The following CCNA1 variants were observed in gnomAD, a reference collection of about 807,000 sequenced individuals.
CCNA1 encodes the protein cyclin-A1.
Under a neutral mutation model 54.1 loss-of-function variants are expected in CCNA1, and 23 were observed. The observed-to-expected ratio is 0.42, with a 90% CI of 0.31 to 0.60. CCNA1 has a LOEUF of 0.60. CCNA1 is among the 20% of genes least tolerant of loss of function. The pLI is 0.14. For synonymous variants in CCNA1, 208 were observed against 213.9 expected (o/e 0.97, Z 0.24); for missense variants, 450 against 556.7 (o/e 0.81, Z 1.93).
chr13:36,436,899 T>C (rs1056740621), intron 2 of CCNA1, among the ~76,000 whole-genome samples: 4 of 152,250 alleles, frequency 2.6e-5, no homozygotes, highest in Non-Finnish European at 5.9e-5. Flanking sequence ...GCTGCCCACC[T>C]GCCCTGATTC....
chr13:36,442,465 A>C, intron 8 of CCNA1, 149 bp from the exon 9 acceptor site: 2 of 1,068,086 alleles, frequency 1.9e-6, no homozygotes, highest in South Asian at 3.0e-5. Flanking sequence ...AAAGACCTAG[A>C]TTTATAATTT....
At position 36,438,079 on chromosome 13, in the gene CCNA1, T is replaced by G; in HGVS notation, c.557T>G (p.Leu186Arg). The G allele has an allele frequency of 6.2e-7, 1 of 1,613,476 alleles. No homozygotes were observed. Among genetic ancestry groups the G allele is most frequent in the South Asian group, 1.1e-5 (1 of 90,914 alleles). Reference sequence around the variant, plus strand: ...TGAACTCTTGCAGTTTCCCCTATGCTGGTAGATTCATCTCTCCTCTCCCAG... The same window carrying G: ...TGAACTCTTGCAGTTTCCCCTATGCGGGTAGATTCATCTCTCCTCTCCCAG... Residue 186 changes from leucine to arginine, a missense_variant, in exon 4 of 9, where the codon CTG (leucine) becomes CGG (arginine). Transcript: ENST00000255465.
In CCNA1 at chr13:36,435,459, C is replaced by T. The variant is rs529261930; in HGVS notation, c.298-2170C>T. 3.8e-3 allele frequency among the ~76,000 whole-genome samples: 576 copies of T among 152,300 alleles called. 4 individuals are homozygous for T. The highest frequency in any genetic ancestry group is 0.013 in the African/African-American group (535 of 41,568). ...CTCAATTCATAGTCTTTTCCTTCCTCGACTGATCAGCATTATTTGACATGG... is the reference window on the plus strand; with the variant it reads ...CTCAATTCATAGTCTTTTCCTTCCTTGACTGATCAGCATTATTTGACATGG... On this transcript the variant is annotated intron_variant, in intron 2 of 8. Transcript: ENST00000255465.
intron 2 of CCNA1, among the ~76,000 whole-genome samples, chr13:36,435,036 G>A (rs1369897388): frequency 6.6e-6 from 1 of 152,154 alleles, no homozygotes; most frequent in Non-Finnish European, 1.5e-5. Flanking sequence ...CTGGACCACA[G>A]GGAAGAAGTT....
At chr13:36,432,947 CT>C (rs1489881937) in intron 1 of CCNA1, 85 bp from the exon 2 acceptor site, 27 of 1,294,850 alleles carry the variant, frequency 2.1e-5, no homozygotes, top group Non-Finnish European at 2.9e-5. Flanking sequence ...GCTTGGTGCT[CT>C]CCCTCCTAGA....
rs994893221 is a variant in CCNA1, at chr13:36,442,794, A to G, written c.*129A>G. The G allele has an allele frequency of 1.3e-6, 1 of 775,910 alleles. No individual in the cohort carries two copies. Among genetic ancestry groups the G allele is most frequent in the Admixed American group, 2.5e-5 (1 of 40,628 alleles). The allele number at this position is 775,910 out of a possible 1,614,324, so 48.1% of individuals were successfully genotyped here. The stretch of plus-strand genomic sequence containing the variant: ...AGATGACATTTTAAAAATGTAAATG[A>G]ATTTAGTTTCCCTTAGACTTTAGTA... On this transcript the variant is annotated 3_prime_UTR_variant, in exon 9 of 9. Coordinates refer to ENST00000255465, the MANE Select transcript of CCNA1 (RefSeq NM_003914.4).
chr13:36,442,120 ATATC>A, intron 7 of CCNA1, 47 bp from the exon 8 acceptor site: 1 of 1,478,526 alleles, frequency 6.8e-7, no homozygotes, highest in African/African-American at 1.4e-5. Context: ...TTATCTTCGG[ATATC>A]TAATATAAAG....
intron 2 of CCNA1, 109 bp from the exon 3 acceptor site, chr13:36,437,520 G>A: frequency 2.8e-6 from 3 of 1,066,082 alleles, no homozygotes; most frequent in South Asian, 3.2e-5. Context: ...AGATTTTTCA[G>A]TTTAGAATGT....
chr13:36,442,618 CTG>C lies in CCNA1; in HGVS notation c.1359_1360del (p.Ser454ProfsTer15). On this transcript the variant is annotated frameshift_variant, in exon 9 of 9. Coordinates refer to ENST00000255465, the MANE Select transcript of CCNA1 (RefSeq NM_003914.4). LOFTEE classifies it high-confidence loss of function. Reference sequence around the variant, plus strand: ...TTGCTTTGGGTCTTGTTTCAGGTACCTGTGTGTGTCCCTCATGGAGCCACCTG... The same window carrying C: ...TTGCTTTGGGTCTTGTTTCAGGTACCTGTGTGTCCCTCATGGAGCCACCTG... The C allele has an allele frequency of 6.2e-7, 1 of 1,613,974 alleles. No homozygotes were observed. The highest frequency in any genetic ancestry group is 8.5e-7 in the Non-Finnish European group (1 of 1,179,912).
Position 36,432,590 on chromosome 13 carries a change from G to A in CCNA1, c.-32G>A, listed in dbSNP as rs1243820007. On this transcript the variant is annotated 5_prime_UTR_variant, in exon 1 of 9. Coordinates refer to ENST00000255465, the MANE Select transcript of CCNA1 (RefSeq NM_003914.4). ...GGGGCCTCCTGTCTGGTGGGAGGAG[G>A]CCGCAGCGCAGCACCCTGCTCGTCA... 3.5e-6 allele frequency: 5 copies of A among 1,433,798 alleles called. No individual in the cohort carries two copies. The South Asian group carries it at 5.4e-5, about 16-fold the overall frequency. The allele number at this position is 1,433,798 out of a possible 1,614,324, so 88.8% of individuals were successfully genotyped here. A position where few individuals can be genotyped will look rare whatever the true frequency, so the allele number is the denominator to read the frequency against.
At position 36,442,242 on chromosome 13, in the gene CCNA1, A is replaced by G; in HGVS notation, c.1284A>G (p.Lys428=). 6.2e-7 allele frequency: 1 copy of G among 1,614,076 alleles called. No individual in the cohort carries two copies. Among genetic ancestry groups the G allele is most frequent in the Non-Finnish European group, 8.5e-7 (1 of 1,179,956 alleles). Residue 428 remains lysine, a synonymous_variant, in exon 8 of 9, where the codon AAA becomes AAG. Transcript: ENST00000255465. ...TGCCTTGCCTGAGTGAGCTTCATAA[A>G]GCGTACCTTGATATACCCCATCGAC...
At chr13:36,437,963 A>C in intron 3 of CCNA1, 88 bp downstream of exon 3, 18 of 1,569,992 alleles carry the variant, frequency 1.1e-5, no homozygotes, top group Non-Finnish European at 1.5e-5. Context: ...TAGCAAGAGA[A>C]AAACAGCAAG....
At chr13:36,438,216 A>T in intron 4 of CCNA1, 25 bp downstream of exon 4, 1 of 1,601,510 alleles carries the variant, frequency 6.2e-7, no homozygotes, top group Non-Finnish European at 8.5e-7. Context: ...CTTCTACTTC[A>T]ATCTTCAGGA....
chr13:36,432,704 C>A lies in CCNA1; in HGVS notation c.83C>A (p.Pro28Gln), dbSNP rs758461650. 5 of 1,611,514 alleles carry A rather than the reference C, an allele frequency of 3.1e-6. No individual in the cohort carries two copies. Among genetic ancestry groups the A allele is most frequent in the Middle Eastern group, 1.7e-4 (1 of 5,908 alleles). Residue 28 changes from proline (P) to glutamine (Q), a missense_variant, in exon 1 of 9, where the codon CCG becomes CAG. By Grantham distance (76) the Pro-to-Gln change is moderately conservative. Coordinates refer to ENST00000255465, the MANE Select transcript of CCNA1 (RefSeq NM_003914.4). ...GAAGAGTATCTCAGCTGGGAAGGACCGGGGCTCCCAGATTTCGTCTTCCAG... is the reference window on the plus strand; with the variant it reads ...GAAGAGTATCTCAGCTGGGAAGGACAGGGGCTCCCAGATTTCGTCTTCCAG...
chr13:36,438,348 G>A (rs145666972), intron 4 of CCNA1, among the ~76,000 whole-genome samples, 157 bp downstream of exon 4: 4 of 152,068 alleles, frequency 2.6e-5, no homozygotes, highest in Non-Finnish European at 5.9e-5. Flanking sequence ...ATGGCAAGTC[G>A]CAATTGCTTG....
chr13:36,438,749 A>G lies in CCNA1; in HGVS notation c.775A>G (p.Lys259Glu). ...GCTGGTGGAGGTTGGGGAAGAATAT[A>G]AACTTCGAGCAGAGACCCTGTATCT... Residue 259 changes from lysine (K) to glutamate (E), a missense_variant, in exon 5 of 9, where the codon AAA becomes GAA. Physicochemically the swap from Lys to Glu is moderately conservative, Grantham distance 56. Coordinates refer to ENST00000255465, the MANE Select transcript of CCNA1 (RefSeq NM_003914.4). 6.2e-7 allele frequency: 1 copy of G among 1,614,110 alleles called. No homozygotes were observed.
At position 36,432,586 on chromosome 13, in the gene CCNA1, G is replaced by A; in HGVS notation, c.-36G>A. 1 of 1,399,652 alleles carries A rather than the reference G, an allele frequency of 7.1e-7. No homozygotes were observed. Among genetic ancestry groups the A allele is most frequent in the Non-Finnish European group, 9.8e-7 (1 of 1,025,168 alleles). The allele number at this position is 1,399,652 out of a possible 1,614,324, so 86.7% of individuals were successfully genotyped here. A position where few individuals can be genotyped will look rare whatever the true frequency, so the allele number is the denominator to read the frequency against. On this transcript the variant is annotated 5_prime_UTR_variant, in exon 1 of 9. Transcript: ENST00000255465. ...TTTTGGGGCCTCCTGTCTGGTGGGAGGAGGCCGCAGCGCAGCACCCTGCTC... is the reference window on the plus strand; with the variant it reads ...TTTTGGGGCCTCCTGTCTGGTGGGAAGAGGCCGCAGCGCAGCACCCTGCTC...
chr13:36,434,192 A>G (rs916760821), intron 2 of CCNA1, among the ~76,000 whole-genome samples: 1 of 152,220 alleles, frequency 6.6e-6, no homozygotes, highest in Middle Eastern at 3.2e-3. Context: ...TCTTCCCAGT[A>G]CTGACTAAGC....
chr13:36,433,419 TTTCTTTCTTTC>T (rs2055751461), intron 2 of CCNA1, among the ~76,000 whole-genome samples, 198 bp downstream of exon 2: 1 of 119,334 alleles, frequency 8.4e-6, no homozygotes, highest in Admixed American at 8.5e-5. Context: ...TCTTTCTTTC[TTTCTTTCTTTC>T]TTTCTTTCTT....
Sources: gnomAD v4.1 joint callset for allele counts (sites outside exome capture counted in the v4.1 genomes callset) on GRCh38, gnomAD v4.1.1 for gene constraint, MANE v1.5 for transcripts, NCBI Gene and HGNC (gene_info 2026-07-23, HGNC 2026-07-21) for gene names.